Variants in SVIL observed in about 807,000 individuals in gnomAD.
The protein encoded by SVIL is supervillin.
A neutral mutation model predicts 240.4 loss-of-function variants in SVIL; 101 were observed. The ratio of observed to expected loss-of-function variants is 0.42; its 90% CI spans 0.36 to 0.50. SVIL has a LOEUF of 0.50. Ranked by LOEUF, SVIL falls within the 20% of genes least tolerant of loss-of-function variation. The probability of loss-of-function intolerance (pLI) is 0.01; values close to 1 mark genes in which losing one functional copy is unlikely to be tolerated. For synonymous variants in SVIL, 999 were observed against 1,100.0 expected (o/e 0.91, Z 1.82); for missense variants, 2,512 against 2,818.7 (o/e 0.89, Z 2.46).
chr10:29,710,378 A>C lies in SVIL; in HGVS notation c.-399-23727T>G, dbSNP rs552006233. Among the ~76,000 whole-genome samples, 6 of 152,298 alleles carry C rather than the reference A, an allele frequency of 3.9e-5. 1 individual carries two copies. The South Asian group carries it at 1.2e-3, about 32-fold the overall frequency. ...AGCCAACCATTCCTGTATTCTTTAC[A>C]GCTCTCTTTTCCTTTTAGTAGTTAA... On this transcript the variant is annotated intron_variant, in intron 1 of 35. Transcript: ENST00000375400.
At chr10:29,519,367 C>A (rs78609679) in intron 16 of SVIL, among the ~76,000 whole-genome samples, 2 of 152,056 alleles carry the variant, frequency 1.3e-5, no homozygotes, top group African/African-American at 4.8e-5. Context: ...CTACCGGAGC[C>A]GAATCCCTCC....
upstream of SVIL, among the ~76,000 whole-genome samples, chr10:29,736,529 C>G (rs909663320): frequency 1.3e-5 from 2 of 152,076 alleles, no homozygotes; most frequent in Non-Finnish European, 1.5e-5. Context: ...GTGAACTCTT[C>G]CAGCAGGTTG....
At chr10:29,477,219 G>A (rs1008717471) in intron 29 of SVIL, among the ~76,000 whole-genome samples, 1 of 152,150 alleles carries the variant, frequency 6.6e-6, no homozygotes, top group Non-Finnish European at 1.5e-5. Context: ...GACATGTTAC[G>A]CCACCAAGGC....
At position 29,484,415 on chromosome 10, in the gene SVIL, T is replaced by A. The variant is rs1171704517; in HGVS notation, c.4955+241A>T. Among the ~76,000 whole-genome samples the A allele has an allele frequency of 6.6e-6, 1 of 152,212 alleles. No homozygotes were observed. Among genetic ancestry groups the A allele is most frequent in the Non-Finnish European group, 1.5e-5 (1 of 68,034 alleles). On this transcript the variant is annotated intron_variant, in intron 27 of 37. Transcript: ENST00000355867. This position sits in a 1 kb window ranked among gnomAD's most constrained non-coding sequence, Gnocchi z 4.7. ...GGGAGGAACTTGCAGCATTTCTTGCTCACTTCAAGAAATCAACTATAACAA... is the reference window on the plus strand; with the variant it reads ...GGGAGGAACTTGCAGCATTTCTTGCACACTTCAAGAAATCAACTATAACAA...
chr10:29,585,095 T>C (rs1956112035), intron 1 of SVIL, among the ~76,000 whole-genome samples: 1 of 151,648 alleles, frequency 6.6e-6, no homozygotes, highest in Non-Finnish European at 1.5e-5. Context: ...CCTTTTTTTT[T>C]TTTTTGAGAC....
chr10:29,530,749 C>T (rs1188864507), intron 10 of SVIL, 81 bp from the exon 11 acceptor site: 22 of 1,511,252 alleles, frequency 1.5e-5, no homozygotes, highest in Non-Finnish European at 9.2e-6. Context: ...CAGGGCTGAC[C>T]TGGAAATCTT....
At chr10:29,557,335 G>A (rs898784142) in intron 3 of SVIL, among the ~76,000 whole-genome samples, 2 of 152,094 alleles carry the variant, frequency 1.3e-5, no homozygotes, top group Non-Finnish European at 2.9e-5. Flanking sequence ...TAGGCTCAAG[G>A]GATCTGCTTG....
intron 34 of SVIL, among the ~76,000 whole-genome samples, chr10:29,464,152 T>G (rs1452251858): frequency 6.6e-6 from 1 of 152,070 alleles, no homozygotes; most frequent in Non-Finnish European, 1.5e-5. Flanking sequence ...AAAGCAAAAC[T>G]GCCACCGGGA....
intron 1 of SVIL, chr10:29,602,264 G>A (rs1177894281): frequency 1.9e-6 from 1 of 533,402 alleles, no homozygotes; most frequent in African/African-American, 1.9e-5. Context: ...AAGTGTTCAT[G>A]AAGGCATACC....
At chr10:29,666,535 G>A (rs980720296) in intron 2 of SVIL, among the ~76,000 whole-genome samples, 2 of 152,166 alleles carry the variant, frequency 1.3e-5, no homozygotes, top group Admixed American at 6.5e-5. Flanking sequence ...CAGACGACCC[G>A]TGAGCCTGGT....
At chr10:29,498,652 A>G (rs1430846627) in intron 18 of SVIL, among the ~76,000 whole-genome samples, 1 of 152,194 alleles carries the variant, frequency 6.6e-6, no homozygotes, top group East Asian at 1.9e-4. Flanking sequence ...GAACCTACAC[A>G]AAAAACATTT....
In SVIL at chr10:29,527,008, C is replaced by T. The variant is rs376791749; in HGVS notation, c.2295G>A (p.Ala765=). The part of the protein sequence containing the change: ...SCSGGTHPVM[A]RLPSPTVARS... The stretch of plus-strand genomic sequence containing the variant: ...TAGCTACAGTGGGGCTAGGAAGTCT[C>T]GCCATTACAGGGTGGGTGCCCCCAG... The change falls in exon 13 of 38, where the codon GCG becomes GCA. Residue 765 remains alanine (A), a synonymous_variant. Transcript: ENST00000355867. 4.7e-5 allele frequency: 76 copies of T among 1,612,820 alleles called. No individual in the cohort carries two copies. The highest frequency in any genetic ancestry group is 3.3e-4 in the Middle Eastern group (2 of 6,078).
At chr10:29,591,188 G>A (rs1428498998) in intron 1 of SVIL, among the ~76,000 whole-genome samples, 7 of 152,170 alleles carry the variant, frequency 4.6e-5, no homozygotes, top group African/African-American at 1.7e-4. Flanking sequence ...GAAGTGAAAT[G>A]TGTTTACATG....
chr10:29,686,883 C>A (rs1034334764), intron 1 of SVIL, among the ~76,000 whole-genome samples: 1 of 151,804 alleles, frequency 6.6e-6, no homozygotes, highest in Non-Finnish European at 1.5e-5. Flanking sequence ...TAAATCATGA[C>A]TAAAATTGTT....
At chr10:29,554,103 TC>T (rs1953663511) in intron 5 of SVIL, among the ~76,000 whole-genome samples, 2 of 152,314 alleles carry the variant, frequency 1.3e-5, no homozygotes, top group South Asian at 4.1e-4. Context: ...GAAGGCCAGA[TC>T]CGTGAGGCGG....
chr10:29,523,855 G>A lies in SVIL; in HGVS notation c.2759C>T (p.Ser920Phe), dbSNP rs770589221. The A allele has an allele frequency of 1.2e-6, 2 of 1,614,094 alleles. No individual in the cohort carries two copies. The highest frequency in any genetic ancestry group is 1.7e-6 in the Non-Finnish European group (2 of 1,180,056). Residue 920 changes from serine to phenylalanine, a missense_variant, in exon 15 of 38, where the codon TCT (serine) becomes TTT (phenylalanine). Coordinates refer to ENST00000355867, the MANE Select transcript of SVIL (RefSeq NM_021738.3). ...KFSSSIENSD[S>F]PVRSILKSQA... is the part of the protein sequence containing the mutation. ...CGATTTCAGAATGCTTCTAACTGGA[G>A]AGTCCGAATTTTCTATTGAAGAAGA...
intron 2 of SVIL, among the ~76,000 whole-genome samples, chr10:29,658,221 A>G (rs896044259): frequency 3.9e-5 from 6 of 152,222 alleles, no homozygotes; most frequent in African/African-American, 1.4e-4. Flanking sequence ...CATCAACATC[A>G]GCAACTACAG....
At chr10:29,473,293 C>T (rs1327009222) in intron 30 of SVIL, among the ~76,000 whole-genome samples, 2 of 152,188 alleles carry the variant, frequency 1.3e-5, no homozygotes, top group East Asian at 1.9e-4. Flanking sequence ...AGGTGATGGG[C>T]GTTCCCAATC....
chr10:29,689,975 A>T (rs1387672678), intron 1 of SVIL, among the ~76,000 whole-genome samples: 1 of 152,236 alleles, frequency 6.6e-6, no homozygotes. Context: ...TTAGGAAACA[A>T]TCACTTCAGA....
Sources: allele counts gnomAD v4.1 joint callset (sites outside exome capture counted in the v4.1 genomes callset), GRCh38; gene constraint gnomAD v4.1.1; non-coding constraint Gnocchi (gnomAD v3.1); transcripts MANE v1.5; gene names NCBI Gene and HGNC (gene_info 2026-07-23, HGNC 2026-07-21).